The following PUM1 variants were observed in gnomAD, a reference collection of about 807,000 sequenced individuals.
The protein encoded by PUM1 is pumilio RNA binding family member 1.
Under a neutral mutation model 131.8 loss-of-function variants are expected in PUM1, and 13 were observed. The observed-to-expected ratio is 0.10, with a 90% CI of 0.06 to 0.16. PUM1 has a LOEUF of 0.16. Ranked by LOEUF, PUM1 falls within the 10% of genes least tolerant of loss-of-function variation. PUM1 has a pLI of 1.00. For missense variants in PUM1, 961 were observed against 1,512.4 expected (o/e 0.64, Z 6.05); for synonymous variants, 509 against 556.5 (o/e 0.91, Z 1.20).
Position 31,059,414 on chromosome 1 carries a change from A to G in PUM1, c.153T>C (p.Ala51=), listed in dbSNP as rs138937176. The change falls in exon 2 of 22, where the codon GCT becomes GCC. Residue 51 remains alanine, a synonymous_variant. Coordinates refer to ENST00000426105, the MANE Select transcript of PUM1 (RefSeq NM_001020658.2). ...TCCCAGCTGCAAGAGCCTGATTTGC[A>G]GCTGGTTGTGGCTGCGCTTGCGACC... ...GTGSQAQPQP[A]ANQALAAGTH... The G allele has an allele frequency of 8.6e-5, 139 of 1,614,168 alleles. No homozygotes were observed. In the East Asian group the frequency reaches 3.0e-3, roughly 35 times the overall value.
chr1:30,940,425 G>T (rs984967355), intron 20 of PUM1, among the ~76,000 whole-genome samples: 2 of 152,138 alleles, frequency 1.3e-5, no homozygotes, highest in African/African-American at 4.8e-5. Flanking sequence ...GCAGTGAGCC[G>T]ACACTGTGCC....
rs1553152630 is a variant in PUM1 at position 31,038,958 on chromosome 1, T to TATATATATATATATATATATA, written c.364-10095_364-10094insTATATATATATATATATATAT. 2.0e-3 allele frequency among the ~76,000 whole-genome samples: 89 copies of TATATATATATATATATATATA among 43,896 alleles called. 16 individuals are homozygous for TATATATATATATATATATATA. Among genetic ancestry groups the TATATATATATATATATATATA allele is most frequent in the Middle Eastern group, 0.012 (1 of 84 alleles). The allele number at this position is 43,896 out of a possible 152,430, so 28.8% of individuals were successfully genotyped here. A position where few individuals can be genotyped will look rare whatever the true frequency, so the allele number is the denominator to read the frequency against. ...TAGCCATTTAAAATGTTTTAAAATTTTATATATATATATATATATATATAT... is the reference window on the plus strand; with the variant it reads ...TAGCCATTTAAAATGTTTTAAAATTTATATATATATATATATATATATATATATATATATATATATATATAT... On this transcript the variant is annotated intron_variant, in intron 2 of 21. Transcript: ENST00000426105.
In PUM1 at chr1:30,974,756, T is replaced by C. The variant is rs1455532833; in HGVS notation, c.1401A>G (p.Gly467=). The change falls in exon 10 of 22, where the codon GGA becomes GGG. Residue 467 remains glycine, a synonymous_variant. Coordinates refer to ENST00000426105, the MANE Select transcript of PUM1 (RefSeq NM_001020658.2). The part of the protein sequence containing the change: ...PHQYYGVTPW[G]VYPASLFQQQ... ...GCTGGAAAAGACTGGCAGGGTAGAC[T>C]CCCCAGGGAGTAACTCCATAATACT... 2 of 1,612,696 alleles carry C rather than the reference T, an allele frequency of 1.2e-6. No individual in the cohort carries two copies. The highest frequency in any genetic ancestry group is 3.3e-5 in the Admixed American group (2 of 59,886).
chr1:31,035,429 C>G (rs1167144206), intron 2 of PUM1, among the ~76,000 whole-genome samples: 1 of 151,412 alleles, frequency 6.6e-6, no homozygotes, highest in African/African-American at 2.4e-5. Context: ...CCTGAAAACA[C>G]AGATAATATT....
chr1:30,959,525 T>C (rs1640316737), intron 14 of PUM1, among the ~76,000 whole-genome samples: 1 of 152,164 alleles, frequency 6.6e-6, no homozygotes, highest in East Asian at 1.9e-4. Flanking sequence ...ATATCTGGAA[T>C]GCAGGATTGG....
At chr1:31,007,858 A>G (rs1642449535) in intron 3 of PUM1, among the ~76,000 whole-genome samples, 1 of 152,242 alleles carries the variant, frequency 6.6e-6, no homozygotes, top group Non-Finnish European at 1.5e-5. Context: ...AGTACCCTTC[A>G]AGCAAGACAC....
chr1:30,954,121 T>C (rs1255820690), intron 14 of PUM1, 140 bp from the exon 15 acceptor site: 4 of 916,122 alleles, frequency 4.4e-6, no homozygotes, highest in African/African-American at 3.3e-5. Context: ...GACAATTCTA[T>C]TAGCGTCATG....
rs749081965 is a variant in PUM1, at chr1:30,981,296, G to A, written c.1252+16C>T. On this transcript the variant is annotated intron_variant, in intron 8 of 21. Coordinates refer to ENST00000426105, the MANE Select transcript of PUM1 (RefSeq NM_001020658.2). ...GCCACACCTATCATGAAAGAGCTAT[G>A]GGCTTAAGGACTTACCGATGTGCGG... 33 of 1,520,284 alleles carry A rather than the reference G, an allele frequency of 2.2e-5. No individual in the cohort carries two copies. The highest frequency in any genetic ancestry group is 2.8e-5 in the Non-Finnish European group (31 of 1,113,244). 94.2% of individuals were successfully genotyped at this position (1,520,284 alleles called of 1,614,324 possible).
chr1:30,980,275 A>G, intron 8 of PUM1, 112 bp from the exon 9 acceptor site: 1 of 835,056 alleles, frequency 1.2e-6, no homozygotes, highest in Admixed American at 2.0e-5. Flanking sequence ...AAAAAATGAA[A>G]AAAGAGAAGA....
At chr1:30,949,286 G>C (rs1334908481) in intron 17 of PUM1, 3 of 346,032 alleles carry the variant, frequency 8.7e-6, no homozygotes, top group East Asian at 1.5e-4. Flanking sequence ...AAGCACCGGA[G>C]GCTGGAGGCA....
intron 1 of PUM1, among the ~76,000 whole-genome samples, chr1:31,063,271 C>T (rs1248184235): frequency 6.6e-6 from 1 of 152,078 alleles, no homozygotes; most frequent in Non-Finnish European, 1.5e-5. Flanking sequence ...GAAATCCTTC[C>T]TCTATGACTC....
chr1:30,972,269 A>AGCAG (rs1557562576), intron 10 of PUM1, among the ~76,000 whole-genome samples: 8 of 774 alleles, frequency 0.01, no homozygotes, highest in Non-Finnish European at 0.015. Context: ...AAAAGAAAAG[A>AGCAG]AGGGAAGGGA....
chr1:31,015,456 C>G (rs1019574766), intron 3 of PUM1, among the ~76,000 whole-genome samples: 2 of 151,896 alleles, frequency 1.3e-5, no homozygotes, highest in African/African-American at 2.4e-5. Context: ...ATTCTCCTGC[C>G]TCAGCTTCCC....
At chr1:30,955,993 A>G (rs1002695576) in intron 14 of PUM1, among the ~76,000 whole-genome samples, 9 of 152,246 alleles carry the variant, frequency 5.9e-5, no homozygotes, top group Non-Finnish European at 1.3e-4. Flanking sequence ...ACAGAAAATT[A>G]AGCCCAGAGA....
chr1:30,966,637 C>T (rs1485826623), intron 12 of PUM1, among the ~76,000 whole-genome samples: 1 of 152,196 alleles, frequency 6.6e-6, no homozygotes, highest in Non-Finnish European at 1.5e-5. Context: ...TGCACATACA[C>T]ATCCTTCAAA....
chr1:31,046,602 G>C (rs1458310756), intron 2 of PUM1, among the ~76,000 whole-genome samples: 3 of 150,668 alleles, frequency 2.0e-5, no homozygotes, highest in Admixed American at 2.0e-4. Context: ...CCGCCTCCGG[G>C]GTTCAAGCGA....
At chr1:30,934,734 C>A (rs759647754) in intron 21 of PUM1, among the ~76,000 whole-genome samples, 1 of 152,166 alleles carries the variant, frequency 6.6e-6, no homozygotes, top group African/African-American at 2.4e-5. Flanking sequence ...TAGAAAATAA[C>A]TGAAATCCAA....
intron 5 of PUM1, among the ~76,000 whole-genome samples, chr1:31,001,193 T>A (rs553502302): frequency 5.3e-5 from 8 of 151,234 alleles, no homozygotes; most frequent in Non-Finnish European, 8.8e-5. Flanking sequence ...CAAAAAAAAA[T>A]AAAAATAAAA....
At chr1:30,940,204 C>A (rs1570083695) in intron 20 of PUM1, among the ~76,000 whole-genome samples, 1 of 152,170 alleles carries the variant, frequency 6.6e-6, no homozygotes, top group East Asian at 1.9e-4. Flanking sequence ...AGGCCAGGTA[C>A]TGGTGGCTCG....
Sources: allele counts gnomAD v4.1 joint callset (sites outside exome capture counted in the v4.1 genomes callset), GRCh38; gene constraint gnomAD v4.1.1; transcripts MANE v1.5; gene names NCBI Gene and HGNC (gene_info 2026-07-23, HGNC 2026-07-21).